Variants in CEP112 observed in about 807,000 individuals in gnomAD.
CEP112 encodes the protein centrosomal protein of 112 kDa.
Under a neutral mutation model 153.0 loss-of-function variants are expected in CEP112, and 127 were observed. The observed-to-expected ratio is 0.83, with a 90% confidence interval of 0.72 to 0.96. The LOEUF (loss-of-function observed/expected upper bound fraction) is 0.96, where lower values mean the gene tolerates loss of function less well. CEP112 is among the 40% of genes least tolerant of loss of function. The probability of loss-of-function intolerance (pLI) is 0.00; values close to 1 mark genes in which losing one functional copy is unlikely to be tolerated. For synonymous variants in CEP112, 358 were observed against 374.4 expected (o/e 0.96, Z 0.51); for missense variants, 1,089 against 1,101.2 (o/e 0.99, Z 0.16).
intron 24 of CEP112, among the ~76,000 whole-genome samples, chr17:65,664,576 A>C (rs757511652): frequency 6.6e-6 from 1 of 152,192 alleles, no homozygotes; most frequent in Non-Finnish European, 1.5e-5. Context: ...GAGAACGGAG[A>C]TGATGAATAC....
In CEP112 at chr17:66,020,583, G is replaced by A. The variant is rs185642392; in HGVS notation, c.1656+6918C>T. 5.3e-5 allele frequency among the ~76,000 whole-genome samples: 8 copies of A among 152,182 alleles called. No individual in the cohort carries two copies. The East Asian group carries it at 1.4e-3, about 26-fold the overall frequency. ...TACAAAGTGTTTTTTAACATTTTGT[G>A]ATATAAACCATATGTAATTTTAACT... On this transcript the variant is annotated intron_variant, in intron 16 of 26. Transcript: ENST00000535342.
At chr17:65,864,312 G>A (rs985862914) in intron 20 of CEP112, among the ~76,000 whole-genome samples, 1 of 152,096 alleles carries the variant, frequency 6.6e-6, no homozygotes, top group African/African-American at 2.4e-5. Flanking sequence ...GTGCCTAAGT[G>A]TCCCTTTCAG....
At chr17:66,189,090 A>G (rs77584326) in intron 1 of CEP112, among the ~76,000 whole-genome samples, 2,602 of 152,348 alleles carry the variant, frequency 0.017, 27 homozygotes, top group Non-Finnish European at 0.026. Context: ...TTAAATGACT[A>G]ACTCAAAATC....
intron 17 of CEP112, among the ~76,000 whole-genome samples, chr17:65,977,018 G>T (rs1053025925): frequency 6.6e-6 from 1 of 152,152 alleles, no homozygotes; most frequent in Non-Finnish European, 1.5e-5. Flanking sequence ...AATTACAGGA[G>T]TGAGCCACCA....
intron 17 of CEP112, 114 bp downstream of exon 17, chr17:66,005,576 C>T (rs1234038725): frequency 4.3e-5 from 55 of 1,268,392 alleles, no homozygotes; most frequent in South Asian, 6.8e-5. Flanking sequence ...CTGATGCAAA[C>T]GAATCCATAG....
At chr17:65,888,249 G>A (rs536966208) in intron 20 of CEP112, among the ~76,000 whole-genome samples, 1 of 152,094 alleles carries the variant, frequency 6.6e-6, no homozygotes, top group East Asian at 1.9e-4. Flanking sequence ...TCTTCCCTTT[G>A]CTATGAAGAC....
chr17:66,007,126 T>C (rs756247197), intron 16 of CEP112, among the ~76,000 whole-genome samples: 6 of 152,180 alleles, frequency 3.9e-5, no homozygotes, highest in Non-Finnish European at 7.3e-5. Context: ...TGTTTGCTTA[T>C]AAACTGAAAG....
At chr17:66,162,835 A>G (rs1280238076) in intron 4 of CEP112, among the ~76,000 whole-genome samples, 5 of 152,136 alleles carry the variant, frequency 3.3e-5, no homozygotes, top group African/African-American at 1.2e-4. Flanking sequence ...TCACAGATAT[A>G]TACATTTTGT....
chr17:65,679,105 A>C (rs2047375485), intron 24 of CEP112, among the ~76,000 whole-genome samples: 2 of 120,854 alleles, frequency 1.7e-5, no homozygotes, highest in African/African-American at 6.1e-5. Flanking sequence ...AAAAATACTA[A>C]TGTCCTTGAC....
intron 19 of CEP112, chr17:65,913,352 C>A (rs2060356203): frequency 3.8e-6 from 1 of 264,946 alleles, no homozygotes. Context: ...AGAAAAGCTC[C>A]CTTAAAGATA....
rs370602394 is a variant in CEP112 at position 65,970,494 on chromosome 17, A to G, written c.1737-8896T>C. ...CATGTATATTACATGCATGCACACT[A>G]CATGCATATTATATGCATGCATATT... On this transcript the variant is annotated intron_variant, in intron 17 of 26. Coordinates refer to ENST00000535342, the MANE Select transcript of CEP112 (RefSeq NM_001199165.4). Among the ~76,000 whole-genome samples, 43 of 141,944 alleles carry G rather than the reference A, an allele frequency of 3.0e-4. 5 individuals are homozygous for G. Among genetic ancestry groups the G allele is most frequent in the African/African-American group, 9.2e-4 (35 of 38,154 alleles). 93.1% of individuals were successfully genotyped at this position (141,944 alleles called of 152,430 possible). A position where few individuals can be genotyped will look rare whatever the true frequency, so the allele number is the denominator to read the frequency against.
At chr17:66,153,529 A>G (rs975840167) in intron 4 of CEP112, among the ~76,000 whole-genome samples, 1 of 152,026 alleles carries the variant, frequency 6.6e-6, no homozygotes, top group Non-Finnish European at 1.5e-5. Context: ...TCCATATTAT[A>G]AAGATATCAA....
intron 23 of CEP112, among the ~76,000 whole-genome samples, chr17:65,733,635 A>G (rs2050638746): frequency 6.6e-6 from 1 of 152,220 alleles, no homozygotes; most frequent in African/African-American, 2.4e-5. Context: ...CATATCTGCT[A>G]TACCATTACA....
At position 65,954,123 on chromosome 17, in the gene CEP112, G is replaced by C. The variant is rs544765217; in HGVS notation, c.1872+7340C>G. On this transcript the variant is annotated intron_variant, in intron 18 of 26. Coordinates refer to ENST00000535342, the MANE Select transcript of CEP112 (RefSeq NM_001199165.4). ...CTTCACTCCCCTGCTATTTCCACCA[G>C]AGCAGGTCCTGGTATCCATGGCTAC... Among the ~76,000 whole-genome samples, 13 of 152,296 alleles carry C rather than the reference G, an allele frequency of 8.5e-5. No individual in the cohort carries two copies. In the South Asian group the frequency reaches 1.0e-3, roughly 12 times the overall value.
At position 65,961,490 on chromosome 17, in the gene CEP112, C is replaced by T; in HGVS notation, c.1845G>A (p.Glu615=). Residue 615 remains glutamate, a synonymous_variant, in exon 18 of 27, where the codon GAG becomes GAA. Coordinates refer to ENST00000535342, the MANE Select transcript of CEP112 (RefSeq NM_001199165.4). ...GCTCTTTCATTTCAGCATAGACTTT[C>T]TCTGAGTTCAGTTCCACCTGCCGCT... The part of the protein sequence containing the change: ...EFKRQVELNS[E]KVYAEMKEQM... 1 of 1,611,480 alleles carries T rather than the reference C, an allele frequency of 6.2e-7. No individual in the cohort carries two copies. The highest frequency in any genetic ancestry group is 2.2e-5 in the East Asian group (1 of 44,830).
In CEP112 at chr17:65,995,714, C is replaced by T. The variant is rs73342655; in HGVS notation, c.1736+9976G>A. ...ACAAAATGTCTGATTTTTACCCTAA[C>T]GACTGCATCCTCACCCAAATCTCAT... On this transcript the variant is annotated intron_variant, in intron 17 of 26. Coordinates refer to ENST00000535342, the MANE Select transcript of CEP112 (RefSeq NM_001199165.4). 8.5e-3 allele frequency among the ~76,000 whole-genome samples: 1,297 copies of T among 152,296 alleles called. 21 individuals carry two copies. Among genetic ancestry groups the T allele is most frequent in the African/African-American group, 0.03 (1,231 of 41,566 alleles).
At chr17:65,800,695 A>T (rs1359404121) in intron 21 of CEP112, among the ~76,000 whole-genome samples, 1 of 152,238 alleles carries the variant, frequency 6.6e-6, no homozygotes, top group Non-Finnish European at 1.5e-5. Flanking sequence ...ACTGTTTTCT[A>T]AAGTGGTTGG....
intron 21 of CEP112, among the ~76,000 whole-genome samples, chr17:65,770,432 A>G (rs915290181): frequency 6.6e-6 from 1 of 152,064 alleles, no homozygotes; most frequent in Non-Finnish European, 1.5e-5. Flanking sequence ...CACATATTCA[A>G]AGAAAAATTG....
chr17:65,659,015 CA>C (rs777326885), intron 24 of CEP112, among the ~76,000 whole-genome samples: 745 of 55,506 alleles, frequency 0.013, 2 homozygotes, highest in Non-Finnish European at 0.017. Context: ...GACTCTGTCT[CA>C]AAAAAAAAAA....
Sources: gnomAD v4.1 joint callset for allele counts (sites outside exome capture counted in the v4.1 genomes callset) on GRCh38, gnomAD v4.1.1 for gene constraint, MANE v1.5 for transcripts, NCBI Gene and HGNC (gene_info 2026-07-23, HGNC 2026-07-21) for gene names.